The following RPS6KC1 variants were observed in gnomAD, a reference collection of about 807,000 sequenced individuals.
RPS6KC1 encodes inactive ribosomal protein S6 kinase delta-1.
In RPS6KC1, 54 loss-of-function variants were observed where a neutral mutation model predicts 103.8. The observed-to-expected ratio is 0.52, with a 90% CI of 0.42 to 0.65. The LOEUF (loss-of-function observed/expected upper bound fraction) is 0.65, where lower values mean the gene tolerates loss of function less well. RPS6KC1 is among the 30% of genes least tolerant of loss of function. The pLI is 0.00. For synonymous variants in RPS6KC1, 439 were observed against 438.7 expected (o/e 1.00, Z -0.01); for missense variants, 1,151 against 1,253.8 (o/e 0.92, Z 1.24).
At chr1:213,214,241 G>T (rs1007782019) in intron 8 of RPS6KC1, among the ~76,000 whole-genome samples, 1 of 152,264 alleles carries the variant, frequency 6.6e-6, no homozygotes, top group Non-Finnish European at 1.5e-5. Context: ...CCCGCGCCTG[G>T]CTTGAAGGGT....
intron 12 of RPS6KC1, among the ~76,000 whole-genome samples, 188 bp from the exon 13 acceptor site, chr1:213,261,368 CAA>C (rs368355314): frequency 1.4e-5 from 2 of 143,618 alleles, no homozygotes; most frequent in Non-Finnish European, 1.5e-5. Flanking sequence ...ATGACTGCAT[CAA>C]AAAAAAAAAT....
At chr1:213,654,743 G>A in the RPS6KC1 span, among the ~76,000 whole-genome samples, 1 of 152,128 alleles carries the variant, frequency 6.6e-6, no homozygotes, top group Non-Finnish European at 1.5e-5. Flanking sequence ...CTGCCTGTCT[G>A]ATTTTTCTCA....
the RPS6KC1 span, among the ~76,000 whole-genome samples, chr1:213,602,286 G>A: frequency 5.1e-5 from 6 of 117,432 alleles, no homozygotes; most frequent in Admixed American, 2.3e-4. Context: ...CCAGAGTCTC[G>A]CTCTGTCACC....
the RPS6KC1 span, among the ~76,000 whole-genome samples, chr1:213,631,985 T>A: frequency 0.066 from 10,117 of 152,276 alleles, 382 homozygotes; most frequent in South Asian, 0.14. Flanking sequence ...TTTGAGAATG[T>A]CACATAAATG....
the RPS6KC1 span, among the ~76,000 whole-genome samples, chr1:213,465,669 C>T: frequency 2.0e-5 from 3 of 152,010 alleles, no homozygotes; most frequent in Admixed American, 2.0e-4. Flanking sequence ...TAAAGAAATA[C>T]AATTAACTTT....
the RPS6KC1 span, among the ~76,000 whole-genome samples, chr1:213,294,600 C>T: frequency 1.4e-4 from 22 of 152,158 alleles, no homozygotes; most frequent in African/African-American, 5.3e-4. Flanking sequence ...AAAGAATTAC[C>T]AGAAGGCCTT....
the RPS6KC1 span, among the ~76,000 whole-genome samples, chr1:213,614,156 A>G: frequency 5.3e-5 from 8 of 152,198 alleles, no homozygotes; most frequent in Non-Finnish European, 1.2e-4. Flanking sequence ...CCTGCCTCCC[A>G]GAGAGGTGAA....
the RPS6KC1 span, among the ~76,000 whole-genome samples, chr1:213,834,621 A>C: frequency 6.6e-6 from 1 of 152,244 alleles, no homozygotes; most frequent in Non-Finnish European, 1.5e-5. Context: ...CTTAAAAGGT[A>C]CCCCTAATGG....
chr1:213,664,906 A>G, the RPS6KC1 span, among the ~76,000 whole-genome samples: 1 of 152,212 alleles, frequency 6.6e-6, no homozygotes, highest in South Asian at 2.1e-4. Flanking sequence ...GAAAGAGCAT[A>G]TATATATGAA....
chr1:213,765,062 C>T, the RPS6KC1 span, among the ~76,000 whole-genome samples: 1 of 152,246 alleles, frequency 6.6e-6, no homozygotes, highest in Non-Finnish European at 1.5e-5. Context: ...CCTTGGACAC[C>T]CTCTCCACAG....
At chr1:213,847,986 C>G in the RPS6KC1 span, among the ~76,000 whole-genome samples, 16 of 152,120 alleles carry the variant, frequency 1.1e-4, no homozygotes, top group Middle Eastern at 3.4e-3. Flanking sequence ...TACACACACA[C>G]AGAGAGAAAG....
intron 12 of RPS6KC1, among the ~76,000 whole-genome samples, chr1:213,256,875 T>A (rs1390617301): frequency 6.6e-6 from 1 of 152,178 alleles, no homozygotes; most frequent in African/African-American, 2.4e-5. Context: ...GTCTGTCTTA[T>A]GAAGTGCCTC....
the RPS6KC1 span, among the ~76,000 whole-genome samples, chr1:213,549,182 T>C: frequency 6.6e-6 from 1 of 152,066 alleles, no homozygotes; most frequent in Non-Finnish European, 1.5e-5. Context: ...GTGCAGTGAA[T>C]CCAAAACTGA....
chr1:213,662,225 GAAA>G, the RPS6KC1 span, among the ~76,000 whole-genome samples: 17 of 150,522 alleles, frequency 1.1e-4, no homozygotes, highest in Middle Eastern at 3.4e-3. Flanking sequence ...TGTGTGCCTA[GAAA>G]AAAAAAAAAT....
At chr1:213,856,675 A>C in the RPS6KC1 span, among the ~76,000 whole-genome samples, 239 of 152,370 alleles carry the variant, frequency 1.6e-3, no homozygotes, top group African/African-American at 5.4e-3. Context: ...TTGCACCAAG[A>C]ATAAAAACAC....
the RPS6KC1 span, among the ~76,000 whole-genome samples, chr1:213,707,562 C>T: frequency 6.9e-4 from 105 of 152,244 alleles, no homozygotes; most frequent in Non-Finnish European, 1.2e-3. Context: ...TCTCATTTGT[C>T]AATTTTGACT....
the RPS6KC1 span, among the ~76,000 whole-genome samples, chr1:213,635,143 C>A: frequency 6.6e-6 from 1 of 151,996 alleles, no homozygotes; most frequent in African/African-American, 2.4e-5. Context: ...GCCTACCAAC[C>A]AAAAAAAGTC....
chr1:213,413,991 G>A, the RPS6KC1 span, among the ~76,000 whole-genome samples: 1 of 152,206 alleles, frequency 6.6e-6, no homozygotes, highest in African/African-American at 2.4e-5. Context: ...AGGTCTGTCT[G>A]TCCTCTGTGG....
At chr1:213,711,810 C>T in the RPS6KC1 span, among the ~76,000 whole-genome samples, 1 of 152,204 alleles carries the variant, frequency 6.6e-6, no homozygotes. Context: ...AGGTCCACTC[C>T]ATATCCTGTT....
Sources: gnomAD v4.1 joint callset for allele counts (sites outside exome capture counted in the v4.1 genomes callset) on GRCh38, gnomAD v4.1.1 for gene constraint, MANE v1.5 for transcripts, NCBI Gene and HGNC (gene_info 2026-07-23, HGNC 2026-07-21) for gene names.